SH3RF1: variants seen among roughly 807,000 people sequenced by gnomAD.
The protein encoded by SH3RF1 is SH3 domain containing ring finger 1.
In SH3RF1, 32 loss-of-function variants were observed where a neutral mutation model predicts 74.0. The ratio of observed to expected loss-of-function variants is 0.43; its 90% CI spans 0.33 to 0.58. The LOEUF is 0.58. Ranked by LOEUF, SH3RF1 falls within the 20% of genes least tolerant of loss-of-function variation. The probability of loss-of-function intolerance (pLI) is 0.05; values close to 1 mark genes in which losing one functional copy is unlikely to be tolerated. For synonymous variants in SH3RF1, 396 were observed against 439.6 expected (o/e 0.90, Z 1.24); for missense variants, 954 against 1,130.9 (o/e 0.84, Z 2.24).
At chr4:169,197,987 C>CAAATACAGACTG (rs1734845884) in intron 2 of SH3RF1, among the ~76,000 whole-genome samples, 2 of 151,984 alleles carry the variant, frequency 1.3e-5, no homozygotes, top group African/African-American at 4.8e-5. Context: ...ACAAAGTGAC[C>CAAATACAGACTG]CCTCAAAATT....
chr4:169,150,826 G>T (rs1733966291), intron 4 of SH3RF1, among the ~76,000 whole-genome samples: 1 of 152,126 alleles, frequency 6.6e-6, no homozygotes, highest in Non-Finnish European at 1.5e-5. Flanking sequence ...TAAATAACCA[G>T]TAGAGATTAC....
Position 169,136,465 on chromosome 4 carries a change from G to A in SH3RF1, c.921C>T (p.Ser307=), listed in dbSNP as rs1406460155. The stretch of plus-strand genomic sequence containing the variant: ...GGGAGGACTTGTTGGCCATAGTGAG[G>A]GAAGTGAAGGAGTGCCGCTTTTTGG... The part of the protein sequence containing the change: ...KNTKKRHSFT[S]LTMANKSSQA... Residue 307 remains serine, a synonymous_variant, in exon 5 of 12, where the codon TCC becomes TCT. Coordinates refer to ENST00000284637, the MANE Select transcript of SH3RF1 (RefSeq NM_020870.4). 1 of 1,613,550 alleles carries A rather than the reference G, an allele frequency of 6.2e-7. No homozygotes were observed. Among genetic ancestry groups the A allele is most frequent in the African/African-American group, 1.3e-5 (1 of 74,812 alleles).
At chr4:169,185,401 C>T (rs184685045) in intron 2 of SH3RF1, among the ~76,000 whole-genome samples, 110 of 152,296 alleles carry the variant, frequency 7.2e-4, no homozygotes, top group African/African-American at 2.5e-3. Flanking sequence ...GAGCTGCAGT[C>T]TGAGCTGATC....
intron 2 of SH3RF1, chr4:169,204,177 T>C (rs1320721324): frequency 6.6e-6 from 1 of 152,188 alleles, no homozygotes; most frequent in African/African-American, 2.4e-5. Context: ...CCACAGAGAA[T>C]ATGATGAAAA....
chr4:169,198,864 G>A (rs898577010), intron 2 of SH3RF1, among the ~76,000 whole-genome samples: 1 of 152,106 alleles, frequency 6.6e-6, no homozygotes, highest in African/African-American at 2.4e-5. Flanking sequence ...AAAGTGCTGA[G>A]AGAAAATACA....
At chr4:169,265,655 T>C (rs1464569568) in intron 2 of SH3RF1, among the ~76,000 whole-genome samples, 1 of 152,020 alleles carries the variant, frequency 6.6e-6, no homozygotes, top group Non-Finnish European at 1.5e-5. Context: ...GTATTTTTAG[T>C]AAAGACGGGG....
chr4:169,163,612 T>C (rs902070279), intron 2 of SH3RF1, among the ~76,000 whole-genome samples: 9 of 152,222 alleles, frequency 5.9e-5, no homozygotes, highest in Non-Finnish European at 1.2e-4. Context: ...CTTTACAATC[T>C]GGAGACAGTT....
At chr4:169,123,222 A>G (rs540961578) in intron 6 of SH3RF1, among the ~76,000 whole-genome samples, 16 of 151,622 alleles carry the variant, frequency 1.1e-4, no homozygotes, top group Non-Finnish European at 2.1e-4. Context: ...AACAGAGCTT[A>G]TACCAGTCAT....
intron 2 of SH3RF1, among the ~76,000 whole-genome samples, chr4:169,215,467 G>C (rs1242306406): frequency 1.3e-5 from 2 of 152,194 alleles, no homozygotes; most frequent in Non-Finnish European, 2.9e-5. Context: ...CATACAGTAA[G>C]TTACAAAGTA....
intron 2 of SH3RF1, among the ~76,000 whole-genome samples, chr4:169,262,232 A>G (rs943469323): frequency 6.6e-6 from 1 of 152,220 alleles, no homozygotes; most frequent in African/African-American, 2.4e-5. Flanking sequence ...AACTATATGC[A>G]TACACATATA....
intron 2 of SH3RF1, among the ~76,000 whole-genome samples, chr4:169,232,862 T>G (rs1298995518): frequency 6.6e-6 from 1 of 152,158 alleles, no homozygotes; most frequent in Non-Finnish European, 1.5e-5. Flanking sequence ...GTTTAAACCC[T>G]AAACTCTGAA....
At chr4:169,223,235 T>C (rs1437179038) in intron 2 of SH3RF1, among the ~76,000 whole-genome samples, 1 of 152,170 alleles carries the variant, frequency 6.6e-6, no homozygotes, top group African/African-American at 2.4e-5. Context: ...TAACATGCAA[T>C]GGCCACTAAG....
At chr4:169,192,771 A>T (rs1734744329) in intron 2 of SH3RF1, among the ~76,000 whole-genome samples, 1 of 148,870 alleles carries the variant, frequency 6.7e-6, no homozygotes, top group African/African-American at 2.5e-5. Context: ...AAGCTGTTTC[A>T]TATATATATA....
intron 2 of SH3RF1, among the ~76,000 whole-genome samples, chr4:169,157,471 A>G (rs1734077566): frequency 1.3e-5 from 2 of 152,266 alleles, no homozygotes; most frequent in African/African-American, 4.8e-5. Flanking sequence ...CAAGTTTAAA[A>G]TTGTGTACAT....
At position 169,095,479 on chromosome 4, in the gene SH3RF1, G is replaced by A. The variant is rs139685286; in HGVS notation, c.*1040C>T. The A allele has an allele frequency of 3.0e-4, 46 of 152,738 alleles. No individual in the cohort carries two copies. The highest frequency in any genetic ancestry group is 1.1e-3 in the African/African-American group (44 of 41,562). 9.5% of individuals were successfully genotyped at this position (152,738 alleles called of 1,614,324 possible). A position where few individuals can be genotyped will look rare whatever the true frequency, so the allele number is the denominator to read the frequency against. ...GGGAATCCAGTAATACATGCAAGACGTGGGGAAAGAATCACAATGGATGAA... is the reference window on the plus strand; with the variant it reads ...GGGAATCCAGTAATACATGCAAGACATGGGGAAAGAATCACAATGGATGAA... On this transcript the variant is annotated 3_prime_UTR_variant, in exon 12 of 12. Transcript: ENST00000284637.
chr4:169,183,320 C>A (rs1318837648), intron 2 of SH3RF1, among the ~76,000 whole-genome samples: 1 of 152,140 alleles, frequency 6.6e-6, no homozygotes, highest in East Asian at 1.9e-4. Flanking sequence ...TCGCTCTTGT[C>A]CCCAGGCTGG....
chr4:169,117,665 T>A lies in SH3RF1; in HGVS notation c.1635A>T (p.Gly545=). 1 of 1,614,150 alleles carries A rather than the reference T, an allele frequency of 6.2e-7. No homozygotes were observed. The highest frequency in any genetic ancestry group is 1.1e-5 in the South Asian group (1 of 91,080). ...CACTGGGACTCCCAGCCACGCCATT[T>A]CCCTGGAGCTTCTGGGCAGGCCCTC... is the stretch of plus-strand genomic sequence containing the variant. ...TAGGPAQKLQ[G]NGVAGSPSVV... Residue 545 remains glycine, a synonymous_variant, in exon 9 of 12, where the codon GGA becomes GGT. Coordinates refer to ENST00000284637, the MANE Select transcript of SH3RF1 (RefSeq NM_020870.4).
chr4:169,188,752 C>T (rs772584656), intron 2 of SH3RF1, among the ~76,000 whole-genome samples: 4 of 152,188 alleles, frequency 2.6e-5, no homozygotes, highest in Non-Finnish European at 5.9e-5. Context: ...AAGCTTTATG[C>T]AGAAGTGGCC....
chr4:169,204,410 TCAAA>T (rs909565116), intron 2 of SH3RF1, among the ~76,000 whole-genome samples: 60 of 152,186 alleles, frequency 3.9e-4, no homozygotes, highest in African/African-American at 1.4e-3. Context: ...CTCCCAACAC[TCAAA>T]CAAAAAACTT....
Sources: allele counts gnomAD v4.1 joint callset (sites outside exome capture counted in the v4.1 genomes callset), GRCh38; gene constraint gnomAD v4.1.1; transcripts MANE v1.5; gene names NCBI Gene and HGNC (gene_info 2026-07-23, HGNC 2026-07-21).